NTNG1: variants seen among roughly 807,000 people sequenced by gnomAD.
The protein encoded by NTNG1 is netrin-G1.
In NTNG1, 16 loss-of-function variants were observed where a neutral mutation model predicts 54.0. That is an observed-to-expected ratio of 0.30 (90% CI 0.20 to 0.45). The LOEUF is 0.45. Ranked by LOEUF, NTNG1 falls within the 20% of genes least tolerant of loss-of-function variation. NTNG1 has a pLI of 1.00. For missense variants in NTNG1, 530 were observed against 678.7 expected (o/e 0.78, Z 2.43); for synonymous variants, 255 against 263.1 (o/e 0.97, Z 0.30).
At chr1:107,368,959 G>T (rs1670754997) in intron 3 of NTNG1, among the ~76,000 whole-genome samples, 1 of 152,156 alleles carries the variant, frequency 6.6e-6, no homozygotes, top group East Asian at 1.9e-4. Flanking sequence ...ATGCCCAGAA[G>T]TTTCTTCGTG....
At chr1:107,250,887 C>G (rs1248974330) in intron 2 of NTNG1, among the ~76,000 whole-genome samples, 1 of 152,112 alleles carries the variant, frequency 6.6e-6, no homozygotes, top group Non-Finnish European at 1.5e-5. Flanking sequence ...CACTCTATGC[C>G]CTTCAGAGGA....
intron 7 of NTNG1, among the ~76,000 whole-genome samples, chr1:107,441,169 G>T (rs1325410161): frequency 6.6e-6 from 1 of 152,166 alleles, no homozygotes; most frequent in African/African-American, 2.4e-5. Context: ...GGGTTAACAT[G>T]TATTGGGAAG....
intron 2 of NTNG1, among the ~76,000 whole-genome samples, chr1:107,196,302 G>T (rs1461190418): frequency 2.0e-5 from 3 of 151,908 alleles, no homozygotes; most frequent in African/African-American, 4.8e-5. Context: ...CTGAGCCTCA[G>T]CTCCCTCCCC....
chr1:107,291,982 AT>A (rs35856386), intron 2 of NTNG1, among the ~76,000 whole-genome samples: 28,502 of 149,800 alleles, frequency 0.19, 3,048 homozygotes, highest in East Asian at 0.39. Flanking sequence ...TAACCAGAAG[AT>A]TTTTTTTTTT....
At chr1:107,204,395 T>C (rs1659013489) in intron 2 of NTNG1, among the ~76,000 whole-genome samples, 1 of 152,122 alleles carries the variant, frequency 6.6e-6, no homozygotes, top group Admixed American at 6.6e-5. Flanking sequence ...CTTGTATCAG[T>C]CACTTTAGAG....
intron 7 of NTNG1, among the ~76,000 whole-genome samples, chr1:107,469,563 A>T (rs1422810772): frequency 9.9e-5 from 15 of 152,100 alleles, no homozygotes; most frequent in Middle Eastern, 3.4e-3. Flanking sequence ...ACTCAATGCA[A>T]CCTCCGTCTC....
intron 7 of NTNG1, chr1:107,455,699 C>T: frequency 2.3e-6 from 1 of 433,690 alleles, no homozygotes; most frequent in South Asian, 1.6e-5. Context: ...GAGAGCATGA[C>T]AAGAACAATA....
intron 2 of NTNG1, among the ~76,000 whole-genome samples, chr1:107,250,868 T>G (rs889344428): frequency 1.1e-4 from 16 of 152,252 alleles, no homozygotes; most frequent in African/African-American, 3.9e-4. Context: ...AGTGGGAATC[T>G]GGTAGCATCA....
At chr1:107,191,713 G>A (rs1023827603) in intron 2 of NTNG1, among the ~76,000 whole-genome samples, 2 of 150,942 alleles carry the variant, frequency 1.3e-5, no homozygotes, top group Admixed American at 1.3e-4. Flanking sequence ...GTTTTTCTCA[G>A]GTTTGTCAAA....
chr1:107,422,175 T>C (rs935386457), intron 5 of NTNG1, among the ~76,000 whole-genome samples: 1 of 151,910 alleles, frequency 6.6e-6, no homozygotes, highest in East Asian at 1.9e-4. Flanking sequence ...CCAATTTGGG[T>C]TGAGGGGAAC....
intron 7 of NTNG1, among the ~76,000 whole-genome samples, chr1:107,439,841 T>C (rs1363634077): frequency 1.3e-5 from 2 of 151,976 alleles, no homozygotes; most frequent in African/African-American, 4.8e-5. Context: ...TGATGTGCAT[T>C]CTGATTAGTT....
chr1:107,407,415 G>A (rs1404868889), intron 4 of NTNG1, among the ~76,000 whole-genome samples: 3 of 151,980 alleles, frequency 2.0e-5, no homozygotes, highest in East Asian at 1.9e-4. Flanking sequence ...ACCAGATGCC[G>A]AAATGAGTAT....
chr1:107,142,015 T>G (rs1176953549), intron 1 of NTNG1, among the ~76,000 whole-genome samples: 2 of 152,028 alleles, frequency 1.3e-5, no homozygotes, highest in Non-Finnish European at 2.9e-5. Flanking sequence ...TACTATCCCA[T>G]GTTGTGCAGC....
At position 107,223,723 on chromosome 1, in the gene NTNG1, G is replaced by C. The variant is rs116615495; in HGVS notation, c.246+74884G>C. On this transcript the variant is annotated intron_variant, in intron 2 of 7. Transcript: ENST00000370068. ...TTCTGAGTGGAGCTGAAAGAAAAAAGGTATCTCTAGGGATTACAGGACGGA... is the reference window on the plus strand; with the variant it reads ...TTCTGAGTGGAGCTGAAAGAAAAAACGTATCTCTAGGGATTACAGGACGGA... 9.5e-3 allele frequency among the ~76,000 whole-genome samples: 1,452 copies of C among 152,148 alleles called. 19 individuals are homozygous for C. The highest frequency in any genetic ancestry group is 0.032 in the African/African-American group (1,347 of 41,498).
chr1:107,410,263 T>C (rs1228972717), intron 5 of NTNG1: 1 of 152,206 alleles, frequency 6.6e-6, no homozygotes, highest in Non-Finnish European at 1.5e-5. Flanking sequence ...ACATACATAT[T>C]CTGTATACAC....
rs77714668 is a variant in NTNG1, at chr1:107,273,834, A to G, written c.247-50448A>G. 2.8e-3 allele frequency among the ~76,000 whole-genome samples: 424 copies of G among 152,362 alleles called. 4 individuals carry two copies. The highest frequency in any genetic ancestry group is 9.5e-3 in the African/African-American group (394 of 41,578). On this transcript the variant is annotated intron_variant, in intron 2 of 7. Transcript: ENST00000370068. The stretch of plus-strand genomic sequence containing the variant: ...AATATGCATTAAATGAACTAAATGC[A>G]TGAGATATAAACCCATCAAGCTTAA...
At chr1:107,272,936 T>C (rs943660129) in intron 2 of NTNG1, among the ~76,000 whole-genome samples, 2 of 152,220 alleles carry the variant, frequency 1.3e-5, no homozygotes, top group Non-Finnish European at 2.9e-5. Context: ...CAAACTAATC[T>C]AAAGCATCAT....
At chr1:107,366,543 G>A (rs377215910) in intron 3 of NTNG1, among the ~76,000 whole-genome samples, 10 of 152,298 alleles carry the variant, frequency 6.6e-5, no homozygotes, top group African/African-American at 2.2e-4. Context: ...AGCATGTTGG[G>A]TTATAGCTCT....
intron 2 of NTNG1, among the ~76,000 whole-genome samples, chr1:107,153,315 AC>A (rs1222330241): frequency 6.6e-6 from 1 of 152,218 alleles, no homozygotes; most frequent in African/African-American, 2.4e-5. Context: ...AAATTCAGTT[AC>A]ATTTTCCATG....
Sources: gnomAD v4.1 joint callset for allele counts (sites outside exome capture counted in the v4.1 genomes callset) on GRCh38, gnomAD v4.1.1 for gene constraint, MANE v1.5 for transcripts, NCBI Gene and HGNC (gene_info 2026-07-23, HGNC 2026-07-21) for gene names.